MCM3AP: variants seen among roughly 807,000 people sequenced by gnomAD.
MCM3AP encodes the protein minichromosome maintenance complex component 3 associated protein.
Under a neutral mutation model 184.1 loss-of-function variants are expected in MCM3AP, and 126 were observed. The ratio of observed to expected loss-of-function variants is 0.68; its 90% confidence interval spans 0.59 to 0.79. The LOEUF (loss-of-function observed/expected upper bound fraction) is 0.79. Among genes scored for constraint, MCM3AP ranks in the 30% least tolerant of loss-of-function variants. The probability of loss-of-function intolerance (pLI) is 0.00; values close to 1 mark genes in which losing one functional copy is unlikely to be tolerated. For synonymous variants in MCM3AP, 1,002 were observed against 979.3 expected, an observed-to-expected ratio of 1.02 and a Z score of -0.43; for missense variants, 2,496 against 2,479.2, an observed-to-expected ratio of 1.01 and a Z score of -0.14.
chr21:46,278,595 A>G (rs1479395695), intron 4 of MCM3AP, among the ~76,000 whole-genome samples: 1 of 152,174 alleles, frequency 6.6e-6, no homozygotes, highest in African/African-American at 2.4e-5. Flanking sequence ...GCCGGTTAAC[A>G]CAACTAACAT....
intron 20 of MCM3AP, among the ~76,000 whole-genome samples, chr21:46,248,582 C>A (rs2080813807): frequency 2.1e-5 from 3 of 146,048 alleles, no homozygotes; most frequent in African/African-American, 2.5e-5. Flanking sequence ...GGAGGGCCTC[C>A]AACATAAAAG....
Position 46,236,953 on chromosome 21 carries a change from A to G in MCM3AP, c.5660T>C (p.Leu1887Ser). The change falls in exon 27 of 28, where the codon TTG becomes TCG. Residue 1887 changes from leucine to serine, a missense_variant. Leu to Ser is a moderately radical substitution (Grantham distance 145). Around this residue, in one of 5 missense-constraint regions of MCM3AP, gnomAD observed 1,323 missense variants for 1,273.4 expected, o/e 1.04. Transcript: ENST00000291688. Reference sequence around the variant, plus strand: ...CGTAAATGCTCCTGAGTCTTCAGACAACCATTGCTGAAGCTGATCTTCAAA... The same window carrying G: ...CGTAAATGCTCCTGAGTCTTCAGACGACCATTGCTGAAGCTGATCTTCAAA... Reference protein sequence around the residue: ...KRFEDQLQQWLSEDSGAFTDL... With the variant: ...KRFEDQLQQWSSEDSGAFTDL... The G allele has an allele frequency of 6.4e-7, 1 of 1,554,098 alleles. No homozygotes were observed. The highest frequency in any genetic ancestry group is 2.2e-5 in the Admixed American group (1 of 45,516).
At chr21:46,283,509 T>G in intron 2 of MCM3AP, 106 bp downstream of exon 2, 1 of 690,492 alleles carries the variant, frequency 1.4e-6, no homozygotes, top group Non-Finnish European at 2.5e-6. Context: ...GAGTACTTTC[T>G]CTATATTATA....
rs2080741323 is a variant in MCM3AP at position 46,245,055 on chromosome 21, A to G, written c.4790T>C (p.Leu1597Pro). ...RFFHDRRERR[L>P]GGLASQEPGA... Reference sequence around the variant, plus strand: ...AGGCTCCTGAGAAGCAAGACCGCCCAGACGCCTCTCTCTTCTGTCATGGAA... The same window carrying G: ...AGGCTCCTGAGAAGCAAGACCGCCCGGACGCCTCTCTCTTCTGTCATGGAA... The change falls in exon 23 of 28, where the codon CTG becomes CCG. Residue 1597 changes from leucine to proline, a missense_variant. Physicochemically the swap from Leu to Pro is moderately conservative, Grantham distance 98. Around this residue, in one of 5 missense-constraint regions of MCM3AP, gnomAD observed 1,323 missense variants for 1,273.4 expected, o/e 1.04. Transcript: ENST00000291688. The G allele has an allele frequency of 4.3e-6, 7 of 1,614,252 alleles. No individual in the cohort carries two copies. Among genetic ancestry groups the G allele is most frequent in the Non-Finnish European group, 5.9e-6 (7 of 1,180,050 alleles).
chr21:46,249,569 C>A (rs756770147), intron 20 of MCM3AP: 2 of 449,002 alleles, frequency 4.5e-6, no homozygotes, highest in Non-Finnish European at 8.9e-6. Flanking sequence ...AATGCATTTT[C>A]TTTTTCTTTC....
At chr21:46,245,530 T>G (rs952547599) in intron 22 of MCM3AP, among the ~76,000 whole-genome samples, 1 of 152,216 alleles carries the variant, frequency 6.6e-6, no homozygotes, top group African/African-American at 2.4e-5. Flanking sequence ...AAATGGAGTC[T>G]TCTCCTTTTT....
chr21:46,272,505 G>C, intron 8 of MCM3AP, 56 bp downstream of exon 8: 1 of 1,560,408 alleles, frequency 6.4e-7, no homozygotes, highest in South Asian at 1.2e-5. Context: ...CTCTTCTCCT[G>C]TTTAAAGCCT....
intron 1 of MCM3AP, 51 bp from the exon 2 acceptor site, chr21:46,283,889 G>A (rs370696102): frequency 6.4e-7 from 1 of 1,569,170 alleles, no homozygotes; most frequent in Non-Finnish European, 8.7e-7. Flanking sequence ...TCCAACAACA[G>A]GAGGCACCAA....
At chr21:46,266,382 C>T in intron 10 of MCM3AP, 1 of 448,930 alleles carries the variant, frequency 2.2e-6, no homozygotes, top group Non-Finnish European at 3.9e-6. Context: ...CGCACGCTGA[C>T]TCACTCCTGC....
At position 46,246,781 on chromosome 21, in the gene MCM3AP, T is replaced by C; in HGVS notation, c.4396A>G (p.Ser1466Gly). ...LMLLLPPKMK[S>G]EDMAEEDVYW... ...ACGTCCTCCTCTGCCATGTCCTCACTCTTCATTTTGGGGGGAAGCAGCAGC... is the reference window on the plus strand; with the variant it reads ...ACGTCCTCCTCTGCCATGTCCTCACCCTTCATTTTGGGGGGAAGCAGCAGC... Residue 1466 changes from serine (S) to glycine (G), a missense_variant, in exon 21 of 28, where the codon AGT becomes GGT. Physicochemically the swap from Ser to Gly is moderately conservative, Grantham distance 56. Transcript: ENST00000291688. 1 of 1,614,142 alleles carries C rather than the reference T, an allele frequency of 6.2e-7. No homozygotes were observed. Among genetic ancestry groups the C allele is most frequent in the Non-Finnish European group, 8.5e-7 (1 of 1,180,036 alleles).
At chr21:46,241,274 T>G in intron 25 of MCM3AP, 2 of 399,382 alleles carry the variant, frequency 5.0e-6, no homozygotes, top group Non-Finnish European at 4.5e-6. Context: ...AGACTGCCTG[T>G]TCCTCTTGGA....
At chr21:46,247,580 C>T (rs2080797332) in intron 20 of MCM3AP, 1 of 148,610 alleles carries the variant, frequency 6.7e-6, no homozygotes, top group Non-Finnish European at 1.5e-5. Context: ...TGGTCTCGAA[C>T]TCCTGACCTC....
intron 8 of MCM3AP, among the ~76,000 whole-genome samples, chr21:46,271,812 G>T (rs1357622046): frequency 1.3e-5 from 2 of 151,960 alleles, no homozygotes; most frequent in Non-Finnish European, 2.9e-5. Flanking sequence ...AGTGAGCCAA[G>T]ATCGCACTAC....
At position 46,267,073 on chromosome 21, in the gene MCM3AP, GA is replaced by G; in HGVS notation, c.2697del (p.Leu901TrpfsTer34). ...YTVSTQRSTI[F>X]PLDGVVRMLL... ...AGCATGCGCACCACACCATCCAGGGGAAAGATGGTAGATCGCTGTGTGCTCA... is the reference window on the plus strand; with the variant it reads ...AGCATGCGCACCACACCATCCAGGGGAAGATGGTAGATCGCTGTGTGCTCA... On this transcript the variant is annotated frameshift_variant, in exon 10 of 28. Coordinates refer to ENST00000291688, the MANE Select transcript of MCM3AP (RefSeq NM_003906.5). LOFTEE classifies it high-confidence loss of function. 1 of 1,614,078 alleles carries G rather than the reference GA, an allele frequency of 6.2e-7. No homozygotes were observed. The highest frequency in any genetic ancestry group is 8.5e-7 in the Non-Finnish European group (1 of 1,179,910).
upstream of MCM3AP, chr21:46,285,612 T>TAA (rs545633278): frequency 0.043 from 7,915 of 182,940 alleles, 222 homozygotes; most frequent in African/African-American, 0.087. Context: ...CCTTTAAGAT[T>TAA]AAAAAAAAAA....
rs146531143 is a variant in MCM3AP, at chr21:46,283,814, C to T, written c.1244G>A (p.Arg415His). 73 of 1,613,478 alleles carry T rather than the reference C, an allele frequency of 4.5e-5. No homozygotes were observed. The highest frequency in any genetic ancestry group is 4.2e-4 in the East Asian group (19 of 44,886). The change falls in exon 2 of 28, where the codon CGT (arginine) becomes CAT (histidine). Residue 415 changes from arginine to histidine, a missense_variant. By Grantham distance (29) the Arg-to-His change is conservative. Coordinates refer to ENST00000291688, the MANE Select transcript of MCM3AP (RefSeq NM_003906.5). The part of the protein sequence containing the change: ...KEDSLRGTPA[R>H]QSNRSESTDS... ...TGTGCTCTCGCTTCTGTTACTCTGA[C>T]GCGCCGGAGTTCCTCTTAGAGAATC...
chr21:46,280,608 T>C (rs2081319951), intron 2 of MCM3AP, 33 bp from the exon 3 acceptor site: 10 of 1,458,454 alleles, frequency 6.9e-6, no homozygotes, highest in Non-Finnish European at 9.6e-6. Context: ...CATGTGTGAG[T>C]ATATCAGGAA....
At chr21:46,266,359 G>A (rs1366924591) in intron 10 of MCM3AP, 193 bp from the exon 11 acceptor site, 1 of 524,046 alleles carries the variant, frequency 1.9e-6, no homozygotes, top group Admixed American at 3.6e-5. Context: ...ACTAAGCCCA[G>A]CGTGTTAACA....
At chr21:46,244,356 TAGA>T (rs1359538251) in intron 23 of MCM3AP, among the ~76,000 whole-genome samples, 2 of 152,242 alleles carry the variant, frequency 1.3e-5, no homozygotes, top group Non-Finnish European at 2.9e-5. Flanking sequence ...GCCAGAGCCA[TAGA>T]AGAAGGCCTC....
Sources: gnomAD v4.1 joint callset for allele counts (sites outside exome capture counted in the v4.1 genomes callset) on GRCh38, gnomAD v4.1.1 for gene constraint, gnomAD v4.1.1 regional missense constraint, MANE v1.5 for transcripts, NCBI Gene and HGNC (gene_info 2026-07-23, HGNC 2026-07-21) for gene names.